Variants in SLC14A2 observed in about 807,000 individuals in gnomAD.
SLC14A2 encodes solute carrier family 14 member 2, also known as urea transporter 2.
Under a neutral mutation model 104.6 loss-of-function variants are expected in SLC14A2, and 91 were observed. The observed-to-expected ratio is 0.87, with a 90% CI of 0.73 to 1.04. The LOEUF is 1.04. Ranked by LOEUF, SLC14A2 falls within the 50% of genes least tolerant of loss-of-function variation. SLC14A2 has a pLI of 0.00. For missense variants in SLC14A2, 1,189 were observed against 1,156.0 expected, an observed-to-expected ratio of 1.03 and a Z score of -0.41; for synonymous variants, 476 against 466.4, an observed-to-expected ratio of 1.02 and a Z score of -0.27.
intron 1 of SLC14A2, among the ~76,000 whole-genome samples, chr18:45,426,973 G>T (rs998992807): frequency 1.3e-5 from 2 of 152,070 alleles, no homozygotes; most frequent in Admixed American, 1.3e-4. Flanking sequence ...CACCTCTTCA[G>T]ATGCCAATTT....
At chr18:45,309,599 C>A (rs2085057746) in intron 1 of SLC14A2, among the ~76,000 whole-genome samples, 1 of 152,142 alleles carries the variant, frequency 6.6e-6, no homozygotes, top group Admixed American at 6.5e-5. Context: ...GTCCACTGTT[C>A]TTTTCTCTGT....
chr18:45,654,407 T>C (rs1310471462), intron 10 of SLC14A2, among the ~76,000 whole-genome samples: 1 of 152,108 alleles, frequency 6.6e-6, no homozygotes, highest in Non-Finnish European at 1.5e-5. Flanking sequence ...CCCGATGATC[T>C]AGATTCCTCC....
At chr18:45,397,155 A>C (rs2086043359) in intron 1 of SLC14A2, among the ~76,000 whole-genome samples, 1 of 152,180 alleles carries the variant, frequency 6.6e-6, no homozygotes, top group African/African-American at 2.4e-5. Context: ...TGGCAGAATG[A>C]TTTATATTCC....
At chr18:45,236,667 A>G (rs1036605198) in intron 1 of SLC14A2, among the ~76,000 whole-genome samples, 11 of 151,360 alleles carry the variant, frequency 7.3e-5, no homozygotes, top group Middle Eastern at 3.2e-3. Flanking sequence ...TCTTTCATCA[A>G]TGGACACTGA....
intron 1 of SLC14A2, among the ~76,000 whole-genome samples, chr18:45,420,368 G>A (rs1270193091): frequency 6.6e-6 from 1 of 152,186 alleles, no homozygotes; most frequent in Non-Finnish European, 1.5e-5. Flanking sequence ...AGGACAGCCT[G>A]ATTCAATGAG....
chr18:45,624,891 C>T lies in SLC14A2; in HGVS notation c.150+77C>T, dbSNP rs942630163. The T allele has an allele frequency of 4.2e-6, 6 of 1,445,734 alleles. No homozygotes were observed. In the African/African-American group the frequency reaches 7.0e-5, roughly 17 times the overall value. The allele number at this position is 1,445,734 out of a possible 1,614,324, so 89.6% of individuals were successfully genotyped here. A position where few individuals can be genotyped will look rare whatever the true frequency, so the allele number is the denominator to read the frequency against. ...GTGGGGGCAAAAGATGCCGCTTTCC[C>T]ACCTTCCCAGTGAACTTAGCACACT... On this transcript the variant is annotated intron_variant, in intron 2 of 19. Coordinates refer to ENST00000255226, the MANE Select transcript of SLC14A2 (RefSeq NM_007163.4).
intron 2 of SLC14A2, among the ~76,000 whole-genome samples, chr18:45,508,274 G>T (rs1019050420): frequency 6.6e-6 from 1 of 152,214 alleles, no homozygotes; most frequent in South Asian, 2.1e-4. Context: ...GATACGGTTT[G>T]ATTGTATCCC....
intron 1 of SLC14A2, among the ~76,000 whole-genome samples, chr18:45,312,776 C>G (rs946151186): frequency 6.6e-6 from 1 of 152,186 alleles, no homozygotes; most frequent in Non-Finnish European, 1.5e-5. Flanking sequence ...GTTAATTTCA[C>G]GTTTTCCAGT....
intron 1 of SLC14A2, among the ~76,000 whole-genome samples, chr18:45,289,421 C>A (rs1173453760): frequency 2.6e-5 from 4 of 152,062 alleles, no homozygotes; most frequent in African/African-American, 4.8e-5. Context: ...TTAATTAAAT[C>A]TTCTGGGGAT....
intron 2 of SLC14A2, among the ~76,000 whole-genome samples, chr18:45,517,702 C>T (rs1241432379): frequency 6.6e-6 from 1 of 152,200 alleles, no homozygotes; most frequent in Non-Finnish European, 1.5e-5. Flanking sequence ...TCGAGGAACT[C>T]CCTACCCTGA....
rs191249302 is a variant in SLC14A2 at position 45,273,310 on chromosome 18, A to G, written c.-125+60119A>G. On this transcript the variant is annotated intron_variant, in intron 1 of 20. Transcript: ENST00000586448. Reference sequence around the variant, plus strand: ...CTCAAAATAGTCCCAGAAGTCTTGTAACTGCCTTGTTGGCTCTGATTGGGT... The same window carrying G: ...CTCAAAATAGTCCCAGAAGTCTTGTGACTGCCTTGTTGGCTCTGATTGGGT... Among the ~76,000 whole-genome samples the G allele has an allele frequency of 1.4e-3, 210 of 152,260 alleles. 2 individuals are homozygous for G. Among genetic ancestry groups the G allele is most frequent in the Admixed American group, 7.9e-4 (12 of 15,266 alleles).
intron 10 of SLC14A2, among the ~76,000 whole-genome samples, chr18:45,659,818 T>A (rs1385387258): frequency 1.3e-5 from 2 of 152,194 alleles, no homozygotes; most frequent in Non-Finnish European, 2.9e-5. Context: ...CTTTGTCCAT[T>A]ATACTAGTCA....
At chr18:45,636,922 A>C in intron 5 of SLC14A2, 68 bp from the exon 6 acceptor site, 1 of 1,292,128 alleles carries the variant, frequency 7.7e-7, no homozygotes, top group Non-Finnish European at 1.1e-6. Flanking sequence ...TACAGTGGCC[A>C]GAGCTGCTGA....
intron 2 of SLC14A2, among the ~76,000 whole-genome samples, chr18:45,533,306 C>A (rs918500843): frequency 2.0e-5 from 3 of 152,220 alleles, no homozygotes; most frequent in Admixed American, 2.0e-4. Context: ...TGGTAGAATT[C>A]GGCTGTGAAT....
At chr18:45,491,181 A>G (rs571103550) in intron 2 of SLC14A2, among the ~76,000 whole-genome samples, 4 of 152,366 alleles carry the variant, frequency 2.6e-5, no homozygotes, top group Non-Finnish European at 4.4e-5. Flanking sequence ...ATTATTTACA[A>G]TATTGAAAAT....
At chr18:45,431,015 G>A (rs916111441) in intron 1 of SLC14A2, among the ~76,000 whole-genome samples, 3 of 152,152 alleles carry the variant, frequency 2.0e-5, no homozygotes, top group African/African-American at 7.2e-5. Context: ...TGAAGTTCAG[G>A]ATCCAGGCAT....
intron 1 of SLC14A2, among the ~76,000 whole-genome samples, chr18:45,619,779 G>A (rs976624001): frequency 6.6e-6 from 1 of 152,126 alleles, no homozygotes; most frequent in African/African-American, 2.4e-5. Context: ...AAGCTGTTCC[G>A]TTTCACACCA....
the SLC14A2 span, among the ~76,000 whole-genome samples, chr18:45,191,515 T>C: frequency 6.6e-6 from 1 of 152,194 alleles, no homozygotes; most frequent in Non-Finnish European, 1.5e-5. Context: ...TTCTAAGTCA[T>C]GTCCCAAAGG....
chr18:45,171,565 A>T, the SLC14A2 span, among the ~76,000 whole-genome samples: 1 of 152,138 alleles, frequency 6.6e-6, no homozygotes, highest in African/African-American at 2.4e-5. Context: ...CTTTTGTTTT[A>T]TAAAAAGTGT....
Sources: allele counts gnomAD v4.1 joint callset (sites outside exome capture counted in the v4.1 genomes callset), GRCh38; gene constraint gnomAD v4.1.1; transcripts MANE v1.5; gene names NCBI Gene and HGNC (gene_info 2026-07-23, HGNC 2026-07-21).